The following MBOAT2 variants were observed in gnomAD, a reference collection of about 807,000 sequenced individuals.
The protein encoded by MBOAT2 is membrane-bound glycerophospholipid O-acyltransferase 2.
MBOAT2 carries 28 observed loss-of-function variants against 63.4 expected under a neutral mutation model. The ratio of observed to expected loss-of-function variants is 0.44; its 90% CI spans 0.33 to 0.61. The LOEUF is 0.61. MBOAT2 is among the 20% of genes least tolerant of loss of function. MBOAT2 has a pLI of 0.03. For synonymous variants in MBOAT2, 211 were observed against 215.6 expected (o/e 0.98, Z 0.19); for missense variants, 470 against 605.8 (o/e 0.78, Z 2.35).
chr2:8,945,386 G>C (rs572473909), intron 2 of MBOAT2, among the ~76,000 whole-genome samples: 115 of 152,246 alleles, frequency 7.6e-4, no homozygotes, highest in African/African-American at 2.6e-3. Flanking sequence ...AATAAACACA[G>C]TGGCCACTTG....
chr2:8,968,626 C>T (rs1248683700), intron 1 of MBOAT2, among the ~76,000 whole-genome samples: 2 of 152,074 alleles, frequency 1.3e-5, no homozygotes, highest in African/African-American at 4.8e-5. Context: ...AGCTAAAAAC[C>T]TTGAAAAAAG....
At chr2:8,899,633 C>A (rs960977453) in intron 4 of MBOAT2, among the ~76,000 whole-genome samples, 3 of 152,198 alleles carry the variant, frequency 2.0e-5, no homozygotes, top group Non-Finnish European at 2.9e-5. Flanking sequence ...CCAGTGATTG[C>A]CACTGCATAG....
At chr2:8,890,436 C>T (rs1558578487) in intron 4 of MBOAT2, among the ~76,000 whole-genome samples, 1 of 152,152 alleles carries the variant, frequency 6.6e-6, no homozygotes, top group African/African-American at 2.4e-5. Context: ...TTAAGAAAGT[C>T]CATGAGGCAA....
At position 8,857,049 on chromosome 2, in the gene MBOAT2, T is replaced by A. The variant is rs1293741440; in HGVS notation, c.*1630A>T. On this transcript the variant is annotated 3_prime_UTR_variant, in exon 13 of 13. Coordinates refer to ENST00000305997, the MANE Select transcript of MBOAT2 (RefSeq NM_138799.4). ...CAAAAGCTGCAAGTGCATTTGCTTT[T>A]CCTTTCTTCTTTAAATGAAGTATTA... The A allele has an allele frequency of 6.6e-6, 1 of 152,632 alleles. No individual in the cohort carries two copies. The highest frequency in any genetic ancestry group is 1.5e-5 in the Non-Finnish European group (1 of 68,036). The allele number at this position is 152,632 out of a possible 1,614,324, so 9.5% of individuals were successfully genotyped here.
intron 1 of MBOAT2, among the ~76,000 whole-genome samples, chr2:8,970,466 G>C (rs979519394): frequency 2.6e-5 from 4 of 151,946 alleles, no homozygotes; most frequent in East Asian, 1.9e-4. Flanking sequence ...AAGAACTAGA[G>C]AAGCAAGAGC....
At chr2:8,991,971 G>A (rs1366448415) in intron 1 of MBOAT2, among the ~76,000 whole-genome samples, 3 of 152,116 alleles carry the variant, frequency 2.0e-5, no homozygotes, top group Non-Finnish European at 4.4e-5. Context: ...TTCCATTCAT[G>A]TTCCTTCCCT....
chr2:8,874,414 G>GA (rs1255187491), intron 7 of MBOAT2, among the ~76,000 whole-genome samples: 1 of 152,020 alleles, frequency 6.6e-6, no homozygotes, highest in Non-Finnish European at 1.5e-5. Context: ...AAATGGTAGA[G>GA]AAAAAAATTG....
chr2:8,954,834 A>T (rs936950967), intron 2 of MBOAT2, among the ~76,000 whole-genome samples: 3 of 152,162 alleles, frequency 2.0e-5, no homozygotes, highest in Non-Finnish European at 4.4e-5. Flanking sequence ...CCAGGCAAAC[A>T]GGTGCTCCAA....
chr2:8,997,491 C>T (rs1281556388), intron 1 of MBOAT2, among the ~76,000 whole-genome samples: 1 of 152,126 alleles, frequency 6.6e-6, no homozygotes, highest in South Asian at 2.1e-4. Context: ...GGCATACGAC[C>T]GAACCCAAGC....
At chr2:8,903,410 C>T (rs568809951) in intron 4 of MBOAT2, among the ~76,000 whole-genome samples, 4 of 152,162 alleles carry the variant, frequency 2.6e-5, no homozygotes, top group Non-Finnish European at 5.9e-5. Context: ...ATTTACCAAG[C>T]CTCTGATACG....
intron 3 of MBOAT2, among the ~76,000 whole-genome samples, chr2:8,913,594 T>C (rs1337690695): frequency 6.6e-6 from 1 of 152,132 alleles, no homozygotes; most frequent in Non-Finnish European, 1.5e-5. Context: ...ACATCACTAA[T>C]GATCAGGGAA....
intron 1 of MBOAT2, among the ~76,000 whole-genome samples, chr2:8,979,547 A>G (rs1467165504): frequency 6.6e-6 from 1 of 152,094 alleles, no homozygotes; most frequent in Non-Finnish European, 1.5e-5. Flanking sequence ...CACATTTATC[A>G]GCTTAACAAG....
intron 1 of MBOAT2, among the ~76,000 whole-genome samples, chr2:9,001,630 T>C (rs1672697114): frequency 6.6e-6 from 1 of 152,298 alleles, no homozygotes; most frequent in South Asian, 2.1e-4. Context: ...CTTTAGCTAA[T>C]AAAGAAGGAT....
At chr2:8,984,916 A>G (rs1280263726) in intron 1 of MBOAT2, among the ~76,000 whole-genome samples, 1 of 152,162 alleles carries the variant, frequency 6.6e-6, no homozygotes, top group Non-Finnish European at 1.5e-5. Flanking sequence ...TGGTCTGAAC[A>G]AGGGGAAGCA....
chr2:8,873,373 G>T, intron 7 of MBOAT2, 73 bp from the exon 8 acceptor site: 1 of 1,431,036 alleles, frequency 7.0e-7, no homozygotes, highest in South Asian at 1.4e-5. Flanking sequence ...ATTATCGACA[G>T]ATTAATCTTC....
chr2:8,932,895 T>C (rs1260107719), intron 3 of MBOAT2, among the ~76,000 whole-genome samples: 1 of 152,220 alleles, frequency 6.6e-6, no homozygotes, highest in African/African-American at 2.4e-5. Flanking sequence ...ATGTCAAGTC[T>C]ATACACTCAT....
chr2:8,994,554 T>C (rs1672139245), intron 1 of MBOAT2, among the ~76,000 whole-genome samples: 1 of 152,228 alleles, frequency 6.6e-6, no homozygotes, highest in Non-Finnish European at 1.5e-5. Context: ...CAGGGGCCTC[T>C]CTTCTCTCGG....
intron 5 of MBOAT2, 110 bp downstream of exon 5, chr2:8,887,908 C>T: frequency 2.1e-6 from 2 of 966,136 alleles, no homozygotes; most frequent in Non-Finnish European, 3.3e-6. Flanking sequence ...CCCTATCTTA[C>T]CTCCCTCCAT....
intron 7 of MBOAT2, among the ~76,000 whole-genome samples, chr2:8,875,194 G>C (rs76565178): frequency 0.035 from 5,342 of 152,240 alleles, 147 homozygotes; most frequent in Middle Eastern, 0.11. Context: ...TGATGCACAA[G>C]GAGCTTCCAA....
Sources: gnomAD v4.1 joint callset for allele counts (sites outside exome capture counted in the v4.1 genomes callset) on GRCh38, gnomAD v4.1.1 for gene constraint, MANE v1.5 for transcripts, NCBI Gene and HGNC (gene_info 2026-07-23, HGNC 2026-07-21) for gene names.